CLDN14: variants seen among roughly 807,000 people sequenced by gnomAD.
The protein encoded by CLDN14 is claudin 14.
CLDN14 carries 2 observed loss-of-function variants against 2.1 expected under a neutral mutation model. The observed-to-expected ratio is 0.96, with a 90% CI of 0.39 to 3.01. The LOEUF (loss-of-function observed/expected upper bound fraction) is 3.01. Ranked by LOEUF, CLDN14 falls within the 30% of genes most tolerant of loss-of-function variation. The pLI, the probability that CLDN14 is intolerant of heterozygous loss-of-function variation, is 0.09. For missense variants in CLDN14, 298 were observed against 328.0 expected, an observed-to-expected ratio of 0.91 and a Z score of 0.71; for synonymous variants, 136 against 154.4, an observed-to-expected ratio of 0.88 and a Z score of 0.88.
chr21:36,560,074 A>G (rs1477127013), intron 1 of CLDN14, among the ~76,000 whole-genome samples: 2 of 152,248 alleles, frequency 1.3e-5, no homozygotes, highest in Non-Finnish European at 2.9e-5. Flanking sequence ...GCAAATTTTT[A>G]AAGTACAACT....
At chr21:36,469,994 C>T (rs1048747972) in intron 1 of CLDN14, among the ~76,000 whole-genome samples, 2 of 151,886 alleles carry the variant, frequency 1.3e-5, no homozygotes, top group Admixed American at 6.6e-5. Flanking sequence ...AAAAACTTGT[C>T]ATCTGAGATT....
rs371519434 is a variant in CLDN14 at position 36,538,639 on chromosome 21, A to G, written c.-219-28139T>C. The stretch of plus-strand genomic sequence containing the variant: ...AAGGAAAAAAAGAGAGAGAAAAAAA[A>G]GAAGAGACAGCATTTCAGAAGGAGT... On this transcript the variant is annotated intron_variant, in intron 1 of 2. Coordinates refer to the CLDN14 transcript ENST00000342108. 6.0e-3 allele frequency among the ~76,000 whole-genome samples: 917 copies of G among 152,154 alleles called. 12 individuals carry two copies. Among genetic ancestry groups the G allele is most frequent in the African/African-American group, 0.021 (856 of 41,526 alleles).
intron 1 of CLDN14, among the ~76,000 whole-genome samples, chr21:36,540,150 C>G (rs945796048): frequency 6.6e-6 from 1 of 151,508 alleles, no homozygotes; most frequent in African/African-American, 2.4e-5. Context: ...ATACAGTCAT[C>G]CCTCAGTATT....
At chr21:36,491,472 C>G (rs891314594) in intron 2 of CLDN14, among the ~76,000 whole-genome samples, 1 of 152,182 alleles carries the variant, frequency 6.6e-6, no homozygotes, top group African/African-American at 2.4e-5. Flanking sequence ...AAGCTTGACA[C>G]GATCATTTTA....
intron 2 of CLDN14, among the ~76,000 whole-genome samples, chr21:36,506,595 T>C (rs372056477): frequency 2.8e-4 from 33 of 119,922 alleles, no homozygotes; most frequent in East Asian, 2.3e-3. Flanking sequence ...AGACTCTGTC[T>C]CAAAAAAAAA....
chr21:36,507,098 G>A (rs1439256719), intron 2 of CLDN14, among the ~76,000 whole-genome samples: 1 of 151,540 alleles, frequency 6.6e-6, no homozygotes, highest in Non-Finnish European at 1.5e-5. Context: ...ACTCCAGCCT[G>A]GGCAACAGAA....
chr21:36,557,549 C>A (rs1336463382), intron 1 of CLDN14, among the ~76,000 whole-genome samples: 2 of 152,196 alleles, frequency 1.3e-5, no homozygotes, highest in Non-Finnish European at 2.9e-5. Context: ...CGTTGACCAT[C>A]TTTTCAAATA....
At chr21:36,572,184 G>A (rs1229687781) in intron 1 of CLDN14, among the ~76,000 whole-genome samples, 2 of 152,194 alleles carry the variant, frequency 1.3e-5, no homozygotes, top group Non-Finnish European at 2.9e-5. Flanking sequence ...ACTGCCTGTA[G>A]TTTGGTTTGG....
intron 1 of CLDN14, among the ~76,000 whole-genome samples, chr21:36,559,140 G>T (rs1196302923): frequency 2.6e-5 from 4 of 151,538 alleles, no homozygotes; most frequent in Non-Finnish European, 5.9e-5. Flanking sequence ...TTTATGTTTA[G>T]GTCATTTTTT....
At chr21:36,557,381 A>G (rs1356806738) in intron 1 of CLDN14, among the ~76,000 whole-genome samples, 1 of 152,182 alleles carries the variant, frequency 6.6e-6, no homozygotes. Flanking sequence ...TGTTTTCCAT[A>G]GTTGCTAAAA....
chr21:36,489,131 A>AAAATATATATATATATATAT, intron 2 of CLDN14, among the ~76,000 whole-genome samples: 2 of 62,738 alleles, frequency 3.2e-5, no homozygotes, highest in African/African-American at 1.2e-4. Flanking sequence ...AAAAAAAAAA[A>AAAATATATATATATATATAT]ATATATATAT....
intron 2 of CLDN14, among the ~76,000 whole-genome samples, chr21:36,508,131 T>C (rs2087150269): frequency 1.3e-5 from 2 of 152,216 alleles, no homozygotes; most frequent in South Asian, 4.1e-4. Context: ...GTATTCTCAG[T>C]GCTGTCCTGA....
chr21:36,482,415 T>TGGATAGAC (rs1555845898), upstream of CLDN14, among the ~76,000 whole-genome samples: 2 of 59,040 alleles, frequency 3.4e-5, no homozygotes, highest in Non-Finnish European at 6.4e-5. Flanking sequence ...GATAGACGGA[T>TGGATAGAC]GGATGGATGG....
At position 36,464,562 on chromosome 21, in the gene CLDN14, CG is replaced by C. The variant is rs1014530154; in HGVS notation, c.-81-2787del. Among the ~76,000 whole-genome samples, 151 of 152,298 alleles carry C rather than the reference CG, an allele frequency of 9.9e-4. 1 individual carries two copies. Among genetic ancestry groups the C allele is most frequent in the African/African-American group, 3.3e-3 (137 of 41,576 alleles). On this transcript the variant is annotated intron_variant, in intron 1 of 1. Coordinates refer to ENST00000399135, the MANE Select transcript of CLDN14 (RefSeq NM_001146079.2). ...CAGTCCCTGCTGGCCAGAGAAGGAC[CG>C]GGGCCGGCTGTCCTATGCTCACTGC...
At chr21:36,493,753 T>C (rs1434480988) in intron 2 of CLDN14, among the ~76,000 whole-genome samples, 1 of 152,024 alleles carries the variant, frequency 6.6e-6, no homozygotes, top group Non-Finnish European at 1.5e-5. Flanking sequence ...GGAGGCCCCA[T>C]TTCAGAATGG....
At chr21:36,524,100 T>A (rs1239753330) in intron 1 of CLDN14, among the ~76,000 whole-genome samples, 1 of 146,622 alleles carries the variant, frequency 6.8e-6, no homozygotes, top group Non-Finnish European at 1.5e-5. Flanking sequence ...GCAGGGAAAA[T>A]GCATCTGGCT....
intron 1 of CLDN14, among the ~76,000 whole-genome samples, chr21:36,470,531 C>G (rs1269293957): frequency 6.6e-6 from 1 of 152,188 alleles, no homozygotes; most frequent in East Asian, 1.9e-4. Context: ...AACCAGCCTG[C>G]CCACACCTTA....
At chr21:36,564,147 G>A (rs1315910173) in intron 1 of CLDN14, among the ~76,000 whole-genome samples, 4 of 152,184 alleles carry the variant, frequency 2.6e-5, no homozygotes, top group Non-Finnish European at 2.9e-5. Flanking sequence ...CCAGGAGCTC[G>A]GCTCAGTGTT....
At chr21:36,478,873 G>A (rs1183495182) in intron 1 of CLDN14, among the ~76,000 whole-genome samples, 1 of 152,132 alleles carries the variant, frequency 6.6e-6, no homozygotes, top group Non-Finnish European at 1.5e-5. Context: ...TGGGGATGTG[G>A]GGCCCCAGGT....
Sources: allele counts gnomAD v4.1 joint callset (sites outside exome capture counted in the v4.1 genomes callset), GRCh38; gene constraint gnomAD v4.1.1; transcripts MANE v1.5; gene names NCBI Gene and HGNC (gene_info 2026-07-23, HGNC 2026-07-21).